MYOT: variants seen among roughly 807,000 people sequenced by gnomAD.
MYOT encodes 57 kDa cytoskeletal protein.
In MYOT, 36 loss-of-function variants were observed where a neutral mutation model predicts 58.0. The observed-to-expected ratio is 0.62, with a 90% CI of 0.48 to 0.82. The LOEUF is 0.82. MYOT is among the 40% of genes least tolerant of loss of function. MYOT has a pLI of 0.00. For missense variants in MYOT, 505 were observed against 592.1 expected, an observed-to-expected ratio of 0.85 and a Z score of 1.53; for synonymous variants, 218 against 204.6, an observed-to-expected ratio of 1.07 and a Z score of -0.56.
intron 4 of MYOT, among the ~76,000 whole-genome samples, chr5:137,879,526 T>C (rs1755347921): frequency 1.5e-5 from 2 of 135,538 alleles, no homozygotes; most frequent in Admixed American, 7.3e-5. Context: ...CTTTTTTTTT[T>C]TTTTTTTTTT....
At position 137,886,185 on chromosome 5, in the gene MYOT, A is replaced by G. The variant is rs1275897014; in HGVS notation, c.1162A>G (p.Met388Val). 1.2e-6 allele frequency: 2 copies of G among 1,611,902 alleles called. No homozygotes were observed. Among genetic ancestry groups the G allele is most frequent in the Middle Eastern group, 1.6e-4 (1 of 6,068 alleles). ...GCTTTTCTGGAAAAGAAATAATGAAATGGTACAATTCAACACTGACCGAAT... is the reference window on the plus strand; with the variant it reads ...GCTTTTCTGGAAAAGAAATAATGAAGTGGTACAATTCAACACTGACCGAAT... ...PKLFWKRNNEMVQFNTDRISL... is the reference protein window; with the variant it reads ...PKLFWKRNNEVVQFNTDRISL... The change falls in exon 8 of 10, where the codon ATG becomes GTG. Residue 388 changes from methionine (M) to valine (V), a missense_variant. Coordinates refer to ENST00000239926, the MANE Select transcript of MYOT (RefSeq NM_006790.3).
chr5:137,887,060 G>GA, intron 9 of MYOT, 63 bp downstream of exon 9: 1 of 1,571,206 alleles, frequency 6.4e-7, no homozygotes, highest in Non-Finnish European at 8.8e-7. Flanking sequence ...AATAAGAAAT[G>GA]AAAATCCCAG....
intron 8 of MYOT, 79 bp downstream of exon 8, chr5:137,886,292 C>A: frequency 1.0e-6 from 1 of 1,000,240 alleles, no homozygotes. Context: ...TTATAAATGG[C>A]ATGCATTTAT....
chr5:137,871,383 A>G (rs1279486591), intron 2 of MYOT, among the ~76,000 whole-genome samples: 1 of 152,248 alleles, frequency 6.6e-6, no homozygotes, highest in African/African-American at 2.4e-5. Flanking sequence ...GGGCTTGGCT[A>G]AGATGAACAC....
chr5:137,887,392 T>A lies in MYOT; in HGVS notation c.*7T>A. 6.2e-7 allele frequency: 1 copy of A among 1,613,734 alleles called. No homozygotes were observed. Among genetic ancestry groups the A allele is most frequent in the Middle Eastern group, 1.6e-4 (1 of 6,062 alleles). ...TGAAAGTGAAGAACTTTAATAACTTTACCAACATTGGAAAACAGCCAACTA... is the reference window on the plus strand; with the variant it reads ...TGAAAGTGAAGAACTTTAATAACTTAACCAACATTGGAAAACAGCCAACTA... On this transcript the variant is annotated 3_prime_UTR_variant, in exon 10 of 10. Coordinates refer to ENST00000239926, the MANE Select transcript of MYOT (RefSeq NM_006790.3).
intron 8 of MYOT, 39 bp downstream of exon 8, chr5:137,886,252 G>T: frequency 6.6e-7 from 1 of 1,503,802 alleles, no homozygotes; most frequent in Non-Finnish European, 9.2e-7. Context: ...AGTTTATTTG[G>T]GTGAATCCAG....
At chr5:137,871,038 G>A in intron 2 of MYOT, 31 bp downstream of exon 2, 1 of 1,579,916 alleles carries the variant, frequency 6.3e-7, no homozygotes, top group Non-Finnish European at 8.7e-7. Context: ...CGCATGTACA[G>A]TGAACTTATA....
Position 137,882,092 on chromosome 5 carries a change from G to A in MYOT, c.803G>A (p.Arg268Lys). 3.7e-6 allele frequency: 6 copies of A among 1,614,210 alleles called. No homozygotes were observed. The highest frequency in any genetic ancestry group is 5.1e-6 in the Non-Finnish European group (6 of 1,180,026). Reference sequence around the variant, plus strand: ...TCGATTGATGAAGGAAGATTCTGCAGAATGGACTTCAAAGTAAGAGAAGGG... The same window carrying A: ...TCGATTGATGAAGGAAGATTCTGCAAAATGGACTTCAAAGTAAGAGAAGGG... ...NMSIDEGRFC[R>K]MDFKVSGLPA... Residue 268 changes from arginine to lysine, a missense_variant, in exon 6 of 10, where the codon AGA becomes AAA. Physicochemically the swap from Arg to Lys is conservative, Grantham distance 26 (BLOSUM62 2). Transcript: ENST00000239926.
In MYOT at chr5:137,887,365, T is replaced by C. The variant is rs751529540; in HGVS notation, c.1477T>C (p.Tyr493His). 1 of 1,614,032 alleles carries C rather than the reference T, an allele frequency of 6.2e-7. No individual in the cohort carries two copies. The highest frequency in any genetic ancestry group is 8.5e-7 in the Non-Finnish European group (1 of 1,179,942). The change falls in exon 10 of 10, where the codon TAT (tyrosine) becomes CAT (histidine). Residue 493 changes from tyrosine to histidine, a missense_variant. Tyr to His is a moderately conservative substitution (Grantham distance 83). Coordinates refer to ENST00000239926, the MANE Select transcript of MYOT (RefSeq NM_006790.3). ...FQRLAAQSGL[Y>H]ESEEL is the part of the protein sequence containing the mutation. ...GCGTTTGGCAGCTCAATCTGGACTC[T>C]ATGAAAGTGAAGAACTTTAATAACT...
At chr5:137,874,487 A>G (rs1457597996) in intron 2 of MYOT, among the ~76,000 whole-genome samples, 1 of 151,986 alleles carries the variant, frequency 6.6e-6, no homozygotes, top group African/African-American at 2.4e-5. Flanking sequence ...ATAAAAATTA[A>G]AAATAAAGAT....
At chr5:137,880,553 A>G in intron 4 of MYOT, 1 of 386,436 alleles carries the variant, frequency 2.6e-6, no homozygotes, top group East Asian at 5.1e-5. Flanking sequence ...CATCTGAAAA[A>G]TGAACCACCA....
At chr5:137,868,004 T>C (rs1485299004) in intron 1 of MYOT, 51 bp downstream of exon 1, 10 of 152,228 alleles carry the variant, frequency 6.6e-5, no homozygotes, top group Admixed American at 3.3e-4. Context: ...TTTTTGTTTT[T>C]TGTCCAAATC....
At chr5:137,868,658 T>C (rs769712255) in intron 1 of MYOT, among the ~76,000 whole-genome samples, 12 of 152,212 alleles carry the variant, frequency 7.9e-5, no homozygotes, top group Non-Finnish European at 1.5e-4. Context: ...CTGGAAAATA[T>C]CTACTATTTC....
chr5:137,878,945 A>T (rs1755322305), intron 4 of MYOT, among the ~76,000 whole-genome samples: 1 of 152,194 alleles, frequency 6.6e-6, no homozygotes, highest in Admixed American at 6.5e-5. Context: ...GGAGCCAAAG[A>T]GATTAAACCA....
chr5:137,881,824 G>A lies in MYOT; in HGVS notation c.684-149G>A. The stretch of plus-strand genomic sequence containing the variant: ...CGATTCTCCTGCCTTAGCCTCCTGA[G>A]TGAGCTGAGATTGGGCCACTGTACT... On this transcript the variant is annotated intron_variant, in intron 5 of 9. Transcript: ENST00000239926. 3.8e-6 allele frequency: 3 copies of A among 787,942 alleles called. No individual in the cohort carries two copies. The South Asian group carries it at 4.7e-5, about 12-fold the overall frequency. The allele number at this position is 787,942 out of a possible 1,614,324, so 48.8% of individuals were successfully genotyped here. A position where few individuals can be genotyped will look rare whatever the true frequency, so the allele number is the denominator to read the frequency against.
chr5:137,885,541 G>A (rs1755568016), intron 7 of MYOT, among the ~76,000 whole-genome samples: 1 of 151,888 alleles, frequency 6.6e-6, no homozygotes, highest in Non-Finnish European at 1.5e-5. Flanking sequence ...GGAGGCTGAG[G>A]TGGGCAGATC....
chr5:137,879,281 T>C (rs1755335793), intron 4 of MYOT, among the ~76,000 whole-genome samples: 1 of 152,030 alleles, frequency 6.6e-6, no homozygotes, highest in South Asian at 2.1e-4. Context: ...CTACACCTAC[T>C]AAAAAGGATG....
chr5:137,883,467 G>A lies in MYOT; in HGVS notation c.900G>A (p.Val300=), dbSNP rs762138614. 1 of 1,614,090 alleles carries A rather than the reference G, an allele frequency of 6.2e-7. No individual in the cohort carries two copies. The highest frequency in any genetic ancestry group is 8.5e-7 in the Non-Finnish European group (1 of 1,180,016). The part of the protein sequence containing the change: ...VQSDDLHKMI[V]SEKGLHSLIF... Reference sequence around the variant, plus strand: ...CAGATGATTTGCACAAAATGATAGTGTCTGAGAAGGGTCTTCATTCACTCA... The same window carrying A: ...CAGATGATTTGCACAAAATGATAGTATCTGAGAAGGGTCTTCATTCACTCA... The change falls in exon 7 of 10, where the codon GTG becomes GTA. Residue 300 remains valine, a synonymous_variant. Coordinates refer to ENST00000239926, the MANE Select transcript of MYOT (RefSeq NM_006790.3).
intron 1 of MYOT, among the ~76,000 whole-genome samples, chr5:137,869,883 T>G (rs1009374431): frequency 6.6e-6 from 1 of 152,058 alleles, no homozygotes; most frequent in Non-Finnish European, 1.5e-5. Flanking sequence ...CTGTAACATA[T>G]GTTCTACACA....
Sources: gnomAD v4.1 joint callset for allele counts (sites outside exome capture counted in the v4.1 genomes callset) on GRCh38, gnomAD v4.1.1 for gene constraint, MANE v1.5 for transcripts, NCBI Gene and HGNC (gene_info 2026-07-23, HGNC 2026-07-21) for gene names.